Variants in NXPH1 observed in about 807,000 individuals in gnomAD.
NXPH1 encodes neurexophilin 1, also known as neurexophilin-1.
In NXPH1, 5 loss-of-function variants were observed where a neutral mutation model predicts 23.7. The ratio of observed to expected loss-of-function variants is 0.21; its 90% CI spans 0.11 to 0.44. The LOEUF (loss-of-function observed/expected upper bound fraction) is 0.44, where lower values mean the gene tolerates loss of function less well. Among genes scored for constraint, NXPH1 ranks in the 20% least tolerant of loss-of-function variants. The pLI is 0.99. For missense variants in NXPH1, 324 were observed against 321.6 expected, an observed-to-expected ratio of 1.01 and a Z score of -0.06; for synonymous variants, 144 against 122.2, an observed-to-expected ratio of 1.18 and a Z score of -1.18.
At chr7:8,600,821 A>G (rs1243028067) in intron 2 of NXPH1, among the ~76,000 whole-genome samples, 1 of 152,126 alleles carries the variant, frequency 6.6e-6, no homozygotes, top group Admixed American at 6.6e-5. Flanking sequence ...ACAGAAGTAT[A>G]TACAGTTGTC....
chr7:8,618,426 G>A (rs964821781), intron 2 of NXPH1, among the ~76,000 whole-genome samples: 4 of 152,066 alleles, frequency 2.6e-5, no homozygotes, highest in African/African-American at 9.7e-5. Flanking sequence ...AGAAAATCTT[G>A]GATGTTTAGC....
chr7:8,526,024 C>T (rs2128616569), intron 2 of NXPH1, among the ~76,000 whole-genome samples: 1 of 152,278 alleles, frequency 6.6e-6, no homozygotes, highest in South Asian at 2.1e-4. Flanking sequence ...CAGCTTGCAC[C>T]ATGCACCTGG....
chr7:8,461,583 C>CT, intron 2 of NXPH1, among the ~76,000 whole-genome samples: 1 of 151,898 alleles, frequency 6.6e-6, no homozygotes, highest in African/African-American at 2.4e-5. Context: ...GTAATCCCAG[C>CT]ACTTTGGGAG....
At chr7:8,680,844 G>A (rs556658398) in intron 2 of NXPH1, among the ~76,000 whole-genome samples, 5 of 152,316 alleles carry the variant, frequency 3.3e-5, no homozygotes, top group Admixed American at 3.3e-4. Context: ...TGCTAAAACA[G>A]CTCCTGCATA....
intron 2 of NXPH1, among the ~76,000 whole-genome samples, chr7:8,680,099 A>G (rs575822717): frequency 2.0e-5 from 3 of 152,376 alleles, no homozygotes; most frequent in African/African-American, 7.2e-5. Context: ...GATTACTCTC[A>G]TCAACAGCAT....
intron 2 of NXPH1, among the ~76,000 whole-genome samples, chr7:8,510,010 T>C (rs564187913): frequency 4.6e-5 from 7 of 152,276 alleles, no homozygotes; most frequent in African/African-American, 1.7e-4. Context: ...ATGTTCACTG[T>C]TTCAAAGTCA....
At chr7:8,614,468 CTA>C (rs1182790622) in intron 2 of NXPH1, among the ~76,000 whole-genome samples, 1 of 151,352 alleles carries the variant, frequency 6.6e-6, no homozygotes, top group Non-Finnish European at 1.5e-5. Flanking sequence ...ATGTATATGT[CTA>C]TAGATTTTAT....
intron 2 of NXPH1, among the ~76,000 whole-genome samples, chr7:8,557,531 G>A (rs924353412): frequency 6.6e-6 from 1 of 151,584 alleles, no homozygotes; most frequent in Non-Finnish European, 1.5e-5. Flanking sequence ...CTGGTTTCTT[G>A]GTTTGTAGAC....
intron 2 of NXPH1, among the ~76,000 whole-genome samples, chr7:8,521,589 T>G (rs564803891): frequency 1.3e-5 from 2 of 152,292 alleles, no homozygotes; most frequent in East Asian, 1.9e-4. Flanking sequence ...AGTTGTTGAA[T>G]GATGGAGAGA....
At chr7:8,551,055 A>C (rs1465089562) in intron 2 of NXPH1, among the ~76,000 whole-genome samples, 2 of 151,548 alleles carry the variant, frequency 1.3e-5, no homozygotes, top group Non-Finnish European at 3.0e-5. Flanking sequence ...ATGTATTAGA[A>C]AATTGTCTTA....
intron 2 of NXPH1, among the ~76,000 whole-genome samples, chr7:8,647,638 C>T (rs547516311): frequency 4.5e-4 from 69 of 151,914 alleles, no homozygotes; most frequent in South Asian, 2.1e-3. Context: ...ATCTTTTAAT[C>T]GCTAGTTATG....
At chr7:8,607,778 G>T (rs1238897280) in intron 2 of NXPH1, among the ~76,000 whole-genome samples, 2 of 152,284 alleles carry the variant, frequency 1.3e-5, no homozygotes, top group East Asian at 1.9e-4. Flanking sequence ...ATCTGTTGAG[G>T]TCCTAACATC....
At chr7:8,731,133 C>T (rs562462074) in intron 2 of NXPH1, among the ~76,000 whole-genome samples, 223 of 152,050 alleles carry the variant, frequency 1.5e-3, no homozygotes, top group African/African-American at 4.8e-3. Context: ...TTGATCGCAT[C>T]GGCTCCTGAG....
intron 2 of NXPH1, among the ~76,000 whole-genome samples, chr7:8,532,909 T>C (rs991051187): frequency 2.6e-5 from 4 of 152,156 alleles, no homozygotes; most frequent in Non-Finnish European, 5.9e-5. Context: ...AATGAGGCAA[T>C]GTATGTTAAA....
chr7:8,700,664 T>C (rs1779611169), intron 2 of NXPH1, among the ~76,000 whole-genome samples: 1 of 152,176 alleles, frequency 6.6e-6, no homozygotes, highest in Non-Finnish European at 1.5e-5. Context: ...TCGTTCTTTA[T>C]GACCATGAAG....
At chr7:8,482,689 C>G (rs991581466) in intron 2 of NXPH1, among the ~76,000 whole-genome samples, 1 of 152,106 alleles carries the variant, frequency 6.6e-6, no homozygotes, top group African/African-American at 2.4e-5. Context: ...CTGCTAAATC[C>G]ATATTCAACC....
intron 2 of NXPH1, among the ~76,000 whole-genome samples, chr7:8,452,991 C>T (rs1282078348): frequency 6.6e-6 from 1 of 151,916 alleles, no homozygotes; most frequent in Non-Finnish European, 1.5e-5. Flanking sequence ...GAACATGTAC[C>T]CCAGGAATAT....
chr7:8,718,083 A>G (rs1779907598), intron 2 of NXPH1, among the ~76,000 whole-genome samples: 1 of 152,050 alleles, frequency 6.6e-6, no homozygotes, highest in African/African-American at 2.4e-5. Flanking sequence ...AATATTCCTT[A>G]TGATGTGGAA....
At chr7:8,701,722 C>A (rs1423901930) in intron 2 of NXPH1, among the ~76,000 whole-genome samples, 1 of 152,054 alleles carries the variant, frequency 6.6e-6, no homozygotes. Flanking sequence ...TCCTCAGAAC[C>A]TAGCATTTGT....
Sources: allele counts gnomAD v4.1 joint callset (sites outside exome capture counted in the v4.1 genomes callset), GRCh38; gene constraint gnomAD v4.1.1; transcripts MANE v1.5; gene names NCBI Gene and HGNC (gene_info 2026-07-23, HGNC 2026-07-21).